The following MYO5B variants were observed in gnomAD, a reference collection of about 807,000 sequenced individuals.
MYO5B encodes unconventional myosin-Vb.
MYO5B carries 143 observed loss-of-function variants against 229.3 expected under a neutral mutation model. The observed-to-expected ratio is 0.62, with a 90% CI of 0.54 to 0.72. The LOEUF is 0.72. Among genes scored for constraint, MYO5B ranks in the 30% least tolerant of loss-of-function variants. The pLI is 0.00. For missense variants in MYO5B, 2,321 were observed against 2,331.0 expected, an observed-to-expected ratio of 1.00 and a Z score of 0.09; for synonymous variants, 918 against 885.2, an observed-to-expected ratio of 1.04 and a Z score of -0.66.
intron 4 of MYO5B, among the ~76,000 whole-genome samples, chr18:50,028,080 A>G (rs80088537): frequency 4.6e-5 from 7 of 152,354 alleles, no homozygotes; most frequent in Non-Finnish European, 1.0e-4. Context: ...AATGTTTGCT[A>G]TCTTGATTGT....
chr18:49,830,991 T>C (rs1598816110), intron 39 of MYO5B, among the ~76,000 whole-genome samples: 1 of 146,892 alleles, frequency 6.8e-6, no homozygotes, highest in African/African-American at 2.5e-5. Flanking sequence ...AAAAAAACCC[T>C]CATATTTTTG....
chr18:50,187,774 C>T (rs1441684970), intron 1 of MYO5B, among the ~76,000 whole-genome samples: 1 of 152,146 alleles, frequency 6.6e-6, no homozygotes, highest in South Asian at 2.1e-4. Flanking sequence ...ATCTTGGCCT[C>T]CCAAAGTGCT....
chr18:49,872,171 A>T lies in MYO5B; in HGVS notation c.3599T>A (p.Leu1200Gln), dbSNP rs2024462636. 6.2e-7 allele frequency: 1 copy of T among 1,614,028 alleles called. No individual in the cohort carries two copies. The highest frequency in any genetic ancestry group is 1.3e-5 in the African/African-American group (1 of 75,028). The part of the protein sequence containing the change: ...DPNADLAYNS[L>Q]KRQELESENK... The stretch of plus-strand genomic sequence containing the variant: ...CCTGTCCCCCAAGAATCTTACCTTC[A>T]GACTATTGTAGGCCAGATCTGCATT... The change falls in exon 27 of 40, where the codon CTG becomes CAG. Residue 1200 changes from leucine to glutamine, a missense_variant. By Grantham distance (113) the Leu-to-Gln change is moderately radical. Around this residue, in one of 2 missense-constraint regions of MYO5B, gnomAD observed 2,113 missense variants for 2,044.7 expected, o/e 1.03. Coordinates refer to ENST00000285039, the MANE Select transcript of MYO5B (RefSeq NM_001080467.3).
chr18:50,034,241 C>A (rs1219492300), intron 4 of MYO5B, among the ~76,000 whole-genome samples: 3 of 152,194 alleles, frequency 2.0e-5, no homozygotes, highest in Non-Finnish European at 4.4e-5. Flanking sequence ...AAAAGCACAA[C>A]AGACAGTTGA....
chr18:50,138,579 G>A (rs1012300023), intron 1 of MYO5B, among the ~76,000 whole-genome samples: 1 of 151,914 alleles, frequency 6.6e-6, no homozygotes, highest in Admixed American at 6.6e-5. Flanking sequence ...GTCCACCTTG[G>A]TGGAGCTTGC....
chr18:50,182,150 G>A (rs550395415), intron 1 of MYO5B, among the ~76,000 whole-genome samples: 3 of 152,300 alleles, frequency 2.0e-5, no homozygotes, highest in Admixed American at 6.5e-5. Context: ...TGATGAATAC[G>A]AAAGATGGTC....
rs373323353 is a variant in MYO5B, at chr18:50,009,813, C to T, written c.456-8402G>A. 8.5e-5 allele frequency among the ~76,000 whole-genome samples: 13 copies of T among 152,282 alleles called. No homozygotes were observed. In the South Asian group the frequency reaches 1.9e-3, roughly 22 times the overall value. ...AAGCAAGAGAGTCTACAAACCCTTC[C>T]AACAAGACAGCCAGGCCTGAAAGTG... On this transcript the variant is annotated intron_variant, in intron 4 of 39. Transcript: ENST00000285039.
At chr18:50,104,170 AAAG>A (rs1305607412) in intron 1 of MYO5B, among the ~76,000 whole-genome samples, 1 of 140,582 alleles carries the variant, frequency 7.1e-6, no homozygotes, top group Non-Finnish European at 1.5e-5. Context: ...TGTCTATTAA[AAAG>A]AAAAAAAAGA....
intron 2 of MYO5B, among the ~76,000 whole-genome samples, chr18:50,054,557 T>C (rs1193815071): frequency 6.6e-6 from 1 of 152,178 alleles, no homozygotes. Flanking sequence ...ATTTGTGAAA[T>C]GCACCAGTTG....
intron 10 of MYO5B, among the ~76,000 whole-genome samples, chr18:49,973,387 G>T (rs2025711698): frequency 6.6e-6 from 1 of 152,196 alleles, no homozygotes; most frequent in Non-Finnish European, 1.5e-5. Flanking sequence ...TCATCATAAG[G>T]TGAGTACCGG....
chr18:50,054,411 CA>C (rs1300426100), intron 2 of MYO5B, among the ~76,000 whole-genome samples: 2 of 152,202 alleles, frequency 1.3e-5, no homozygotes, highest in Non-Finnish European at 2.9e-5. Flanking sequence ...TGCCATTTAT[CA>C]TAATACTTTG....
chr18:50,050,429 G>A (rs2030360697), intron 2 of MYO5B, among the ~76,000 whole-genome samples: 1 of 152,158 alleles, frequency 6.6e-6, no homozygotes, highest in Non-Finnish European at 1.5e-5. Context: ...CTTGACATGA[G>A]GAACCATGTT....
At position 49,904,704 on chromosome 18, in the gene MYO5B, G is replaced by C. The variant is rs368836963; in HGVS notation, c.2539C>G (p.Arg847Gly). The change falls in exon 20 of 40, where the codon CGG (arginine) becomes GGG (glycine). Residue 847 changes from arginine (R) to glycine (G), a missense_variant. This residue lies in a region of MYO5B where 2,113 missense variants were observed against 2,044.7 expected (regional missense o/e 1.03). Coordinates refer to ENST00000285039, the MANE Select transcript of MYO5B (RefSeq NM_001080467.3). Reference sequence around the variant, plus strand: ...TAGGTTCTCCGCACAAACATGGCCCGGGTGAAGGCCTGGATAACAACGGCA... The same window carrying C: ...TAGGTTCTCCGCACAAACATGGCCCCGGTGAAGGCCTGGATAACAACGGCA... Reference protein sequence around the residue: ...RAAVVIQAFTRAMFVRRTYRQ... With the variant: ...RAAVVIQAFTGAMFVRRTYRQ... The C allele has an allele frequency of 1.9e-5, 31 of 1,614,046 alleles. No homozygotes were observed. Among genetic ancestry groups the C allele is most frequent in the Non-Finnish European group, 2.5e-5 (30 of 1,180,042 alleles).
At chr18:49,941,319 G>A (rs2025311411) in intron 14 of MYO5B, among the ~76,000 whole-genome samples, 1 of 152,184 alleles carries the variant, frequency 6.6e-6, no homozygotes, top group African/African-American at 2.4e-5. Flanking sequence ...CATCTCTGGT[G>A]AGCAGCCCAA....
chr18:49,849,560 C>G lies in MYO5B; in HGVS notation c.4315+7G>C, dbSNP rs781717900. ...TTCACAAAACACACTCACTCACACCCCCCTACCTTCTAGGTCCTGGGCTTT... is the reference window on the plus strand; with the variant it reads ...TTCACAAAACACACTCACTCACACCGCCCTACCTTCTAGGTCCTGGGCTTT... On this transcript the variant is annotated splice_region_variant and intron_variant, in intron 32 of 39. Transcript: ENST00000285039. 1 of 1,601,340 alleles carries G rather than the reference C, an allele frequency of 6.2e-7. No individual in the cohort carries two copies. The highest frequency in any genetic ancestry group is 8.5e-7 in the Non-Finnish European group (1 of 1,169,814).
intron 14 of MYO5B, among the ~76,000 whole-genome samples, chr18:49,940,166 T>A (rs1414172369): frequency 6.6e-6 from 1 of 152,144 alleles, no homozygotes; most frequent in East Asian, 1.9e-4. Flanking sequence ...ACAAAATAAT[T>A]CACTATTCTA....
At chr18:50,149,296 G>T (rs1367005361) in intron 1 of MYO5B, among the ~76,000 whole-genome samples, 4 of 150,544 alleles carry the variant, frequency 2.7e-5, no homozygotes, top group Non-Finnish European at 6.0e-5. Context: ...TCCCCATCAA[G>T]CTACCAATGA....
At chr18:49,937,179 C>A in intron 15 of MYO5B, 66 bp downstream of exon 15, 1 of 1,586,220 alleles carries the variant, frequency 6.3e-7, no homozygotes, top group Admixed American at 1.7e-5. Flanking sequence ...TGCCGCCATC[C>A]TTCATCTACA....
chr18:49,841,586 T>A, intron 34 of MYO5B, 132 bp from the exon 35 acceptor site: 1 of 814,216 alleles, frequency 1.2e-6, no homozygotes, highest in Non-Finnish European at 2.1e-6. Context: ...GGCAGGGCAC[T>A]TGCCAGTCAC....
Sources: allele counts gnomAD v4.1 joint callset (sites outside exome capture counted in the v4.1 genomes callset), GRCh38; gene constraint gnomAD v4.1.1; regional missense constraint gnomAD v4.1.1; transcripts MANE v1.5; gene names NCBI Gene and HGNC (gene_info 2026-07-23, HGNC 2026-07-21).